Variants in SGPP1 observed in about 807,000 individuals in gnomAD.
SGPP1 encodes hSPP1.
In SGPP1, 21 loss-of-function variants were observed where a neutral mutation model predicts 33.0. The ratio of observed to expected loss-of-function variants is 0.64; its 90% CI spans 0.45 to 0.92. The LOEUF (loss-of-function observed/expected upper bound fraction) is 0.92. Among genes scored for constraint, SGPP1 ranks in the 40% least tolerant of loss-of-function variants. The pLI, the probability that SGPP1 is intolerant of heterozygous loss-of-function variation, is 0.00. For missense variants in SGPP1, 543 were observed against 589.4 expected (o/e 0.92, Z 0.81); for synonymous variants, 239 against 241.2 (o/e 0.99, Z 0.08).
intron 2 of SGPP1, among the ~76,000 whole-genome samples, chr14:63,687,964 T>C (rs1030681793): frequency 2.0e-5 from 3 of 151,750 alleles, no homozygotes; most frequent in Non-Finnish European, 4.4e-5. Flanking sequence ...CTACTAGAAA[T>C]ACAAAAGAAA....
intron 1 of SGPP1, among the ~76,000 whole-genome samples, chr14:63,707,756 A>AT (rs546797823): frequency 1.8e-3 from 280 of 151,806 alleles, no homozygotes; most frequent in Non-Finnish European, 3.4e-3. Flanking sequence ...CTTATTAAGT[A>AT]TTTTTTTATG....
chr14:63,690,223 T>G (rs995404102), intron 2 of SGPP1, among the ~76,000 whole-genome samples: 2 of 152,092 alleles, frequency 1.3e-5, no homozygotes, highest in Admixed American at 6.5e-5. Context: ...TTTTGTATTT[T>G]TTGTAGACAA....
intron 1 of SGPP1, among the ~76,000 whole-genome samples, chr14:63,710,917 A>G (rs948812169): frequency 6.6e-6 from 1 of 152,188 alleles, no homozygotes; most frequent in African/African-American, 2.4e-5. Flanking sequence ...TCATCTATAA[A>G]TGGGGATACT....
chr14:63,721,215 G>T (rs1368850316), intron 1 of SGPP1, among the ~76,000 whole-genome samples: 1 of 152,184 alleles, frequency 6.6e-6, no homozygotes, highest in African/African-American at 2.4e-5. Flanking sequence ...GACAGGCATG[G>T]TGGTGGGTGA....
In SGPP1 at chr14:63,713,428, T is replaced by C. The variant is rs1885561953; in HGVS notation, c.684+13833A>G. Among the ~76,000 whole-genome samples, 5 of 152,216 alleles carry C rather than the reference T, an allele frequency of 3.3e-5. No individual in the cohort carries two copies. In the South Asian group the frequency reaches 1.0e-3, roughly 32 times the overall value. ...CTGCCATTGACACTAAGTCAGGGAC[T>C]GGCAAAGCTTTTTGTAAAGAGCCTG... On this transcript the variant is annotated intron_variant, in intron 1 of 2. Coordinates refer to ENST00000247225, the MANE Select transcript of SGPP1 (RefSeq NM_030791.4).
In SGPP1 at chr14:63,710,022, T is replaced by A. The variant is rs10135772; in HGVS notation, c.685-11364A>T. Among the ~76,000 whole-genome samples, 4 of 152,186 alleles carry A rather than the reference T, an allele frequency of 2.6e-5. 1 individual carries two copies. The East Asian group carries it at 7.7e-4, about 29-fold the overall frequency. ...AAACAATTACAAAAACTGTCTTTAA[T>A]ACAATTTAAATTTTTCAGAGTAACT... On this transcript the variant is annotated intron_variant, in intron 1 of 2. Coordinates refer to ENST00000247225, the MANE Select transcript of SGPP1 (RefSeq NM_030791.4).
In SGPP1 at chr14:63,727,324, G is replaced by A. The variant is rs146370444; in HGVS notation, c.621C>T (p.Thr207=). 1.8e-4 allele frequency: 287 copies of A among 1,614,126 alleles called. No homozygotes were observed. The African/African-American group carries it at 3.0e-3, about 17-fold the overall frequency. Residue 207 remains threonine (T), a synonymous_variant, in exon 1 of 3, where the codon ACC becomes ACT. Transcript: ENST00000247225. ...GGATGGCGGTGCCGGACATGGCATGGGTGGAGGGCATGCTGTACTCAGAGT... is the reference window on the plus strand; with the variant it reads ...GGATGGCGGTGCCGGACATGGCATGAGTGGAGGGCATGCTGTACTCAGAGT... ...FYNSEYSMPS[T]HAMSGTAIPI...
intron 1 of SGPP1, among the ~76,000 whole-genome samples, chr14:63,711,165 C>G (rs978841924): frequency 6.6e-6 from 1 of 152,066 alleles, no homozygotes. Context: ...AGGCGTCCAC[C>G]ACCACGCCCA....
intron 1 of SGPP1, among the ~76,000 whole-genome samples, chr14:63,723,591 C>T (rs1281178100): frequency 1.3e-5 from 2 of 151,718 alleles, no homozygotes; most frequent in Non-Finnish European, 2.9e-5. Flanking sequence ...TGGTGGTGTG[C>T]GCCTGTAGTC....
intron 2 of SGPP1, among the ~76,000 whole-genome samples, chr14:63,690,585 A>G (rs1885074303): frequency 6.6e-6 from 1 of 152,146 alleles, no homozygotes; most frequent in African/African-American, 2.4e-5. Flanking sequence ...TGGATGGATG[A>G]ATGAATGAAT....
intron 1 of SGPP1, among the ~76,000 whole-genome samples, chr14:63,708,001 A>C (rs1361514658): frequency 3.9e-5 from 6 of 152,038 alleles, no homozygotes; most frequent in Non-Finnish European, 8.8e-5. Flanking sequence ...ACAATGGCAA[A>C]CTCAAATTCT....
intron 1 of SGPP1, among the ~76,000 whole-genome samples, chr14:63,709,892 C>T (rs1885488762): frequency 6.6e-6 from 1 of 152,150 alleles, no homozygotes; most frequent in South Asian, 2.1e-4. Context: ...TTGTGATATA[C>T]TTTCTCACTA....
At position 63,686,091 on chromosome 14, in the gene SGPP1, A is replaced by G. The variant is rs1884965858; in HGVS notation, c.*14T>C. 6.6e-7 allele frequency: 1 copy of G among 1,504,716 alleles called. No homozygotes were observed. The highest frequency in any genetic ancestry group is 1.3e-5 in the South Asian group (1 of 77,700). 93.2% of individuals were successfully genotyped at this position (1,504,716 alleles called of 1,614,324 possible). ...CTGATACCCTCCTTTCTTATCATAA[A>G]CAATACTTCTCCATCAAGAGATACC... On this transcript the variant is annotated 3_prime_UTR_variant, in exon 3 of 3. Coordinates refer to ENST00000247225, the MANE Select transcript of SGPP1 (RefSeq NM_030791.4).
chr14:63,692,595 G>A (rs1385711018), intron 2 of SGPP1, among the ~76,000 whole-genome samples: 8 of 151,504 alleles, frequency 5.3e-5, no homozygotes, highest in Non-Finnish European at 7.4e-5. Flanking sequence ...GACTACAGGC[G>A]CAAGCCACCA....
intron 1 of SGPP1, among the ~76,000 whole-genome samples, chr14:63,721,110 T>C (rs1313523414): frequency 6.6e-6 from 1 of 152,198 alleles, no homozygotes; most frequent in Non-Finnish European, 1.5e-5. Flanking sequence ...CTTGAACTCC[T>C]GACCTCAGGC....
intron 1 of SGPP1, among the ~76,000 whole-genome samples, 169 bp downstream of exon 1, chr14:63,727,092 T>G (rs1885897487): frequency 6.6e-6 from 1 of 152,140 alleles, no homozygotes; most frequent in African/African-American, 2.4e-5. Flanking sequence ...TTTCCCCCAA[T>G]CACTTAATTT....
chr14:63,693,225 A>G (rs141533855), intron 2 of SGPP1, among the ~76,000 whole-genome samples: 1 of 152,318 alleles, frequency 6.6e-6, no homozygotes, highest in Non-Finnish European at 1.5e-5. Flanking sequence ...AAGCCACTGC[A>G]CCTGGCCAAT....
chr14:63,727,828 C>T lies in SGPP1; in HGVS notation c.117G>A (p.Arg39=), dbSNP rs762638770. 30 of 1,510,072 alleles carry T rather than the reference C, an allele frequency of 2.0e-5. No homozygotes were observed. In the South Asian group the frequency reaches 3.2e-4, roughly 16 times the overall value. The allele number at this position is 1,510,072 out of a possible 1,614,324, so 93.5% of individuals were successfully genotyped here. ...GCGCCTCCGCTTTCTCATCCTCCCTCCGGTCTGCTGAGCGGCGCGGCGGCG... is the reference window on the plus strand; with the variant it reads ...GCGCCTCCGCTTTCTCATCCTCCCTTCGGTCTGCTGAGCGGCGCGGCGGCG... ...VEAPPRRSAD[R]REDEKAEAPL... The change falls in exon 1 of 3, where the codon CGG becomes CGA. Residue 39 remains arginine (R), a synonymous_variant. Transcript: ENST00000247225.
At chr14:63,696,562 A>G (rs1049602629) in intron 2 of SGPP1, among the ~76,000 whole-genome samples, 1 of 152,278 alleles carries the variant, frequency 6.6e-6, no homozygotes, top group Non-Finnish European at 1.5e-5. Context: ...TTGATTTTGC[A>G]TAAAAATATG....
Sources: allele counts gnomAD v4.1 joint callset (sites outside exome capture counted in the v4.1 genomes callset), GRCh38; gene constraint gnomAD v4.1.1; transcripts MANE v1.5; gene names NCBI Gene and HGNC (gene_info 2026-07-23, HGNC 2026-07-21).